The following PRKCE variants were observed in gnomAD, a reference collection of about 807,000 sequenced individuals.
PRKCE encodes the protein protein kinase C epsilon.
In PRKCE, 16 loss-of-function variants were observed where a neutral mutation model predicts 85.4. The observed-to-expected ratio is 0.19, with a 90% CI of 0.13 to 0.28. The LOEUF is 0.28. Ranked by LOEUF, PRKCE falls within the 10% of genes least tolerant of loss-of-function variation. The probability of loss-of-function intolerance (pLI) is 1.00; values close to 1 mark genes in which losing one functional copy is unlikely to be tolerated. For synonymous variants in PRKCE, 388 were observed against 371.5 expected (o/e 1.04, Z -0.51); for missense variants, 573 against 975.2 (o/e 0.59, Z 5.49).
Position 46,040,298 on chromosome 2 carries a change from G to A in PRKCE, c.1437+29781G>A, listed in dbSNP as rs1463254262. ...GGGAGAGGATCCACACAAAAGAGGA[G>A]ACGAGTGGAAAGCAGGAATTGTGAA... On this transcript the variant is annotated intron_variant, in intron 10 of 14. Transcript: ENST00000306156. Among the ~76,000 whole-genome samples the A allele has an allele frequency of 2.0e-5, 3 of 152,216 alleles. No individual in the cohort carries two copies. In the East Asian group the frequency reaches 5.8e-4, roughly 29 times the overall value.
Position 45,809,901 on chromosome 2 carries a change from T to C in PRKCE, c.349-33099T>C, listed in dbSNP as rs7597549. Among the ~76,000 whole-genome samples the C allele has an allele frequency of 1.5e-3, 219 of 149,398 alleles. 2 individuals are homozygous for C. Among genetic ancestry groups the C allele is most frequent in the African/African-American group, 4.8e-3 (197 of 40,692 alleles). The stretch of plus-strand genomic sequence containing the variant: ...ATCTCAAAAAAAAAAAAAGTCTGGG[T>C]ACAAGCCCAAGGAGGGCATGGCTCT... On this transcript the variant is annotated intron_variant, in intron 1 of 14. Coordinates refer to ENST00000306156, the MANE Select transcript of PRKCE (RefSeq NM_005400.3).
chr2:46,007,818 A>G (rs976781369), intron 9 of PRKCE, among the ~76,000 whole-genome samples, 157 bp downstream of exon 9: 1 of 152,246 alleles, frequency 6.6e-6, no homozygotes, highest in Non-Finnish European at 1.5e-5. Context: ...CCAAGTAGAT[A>G]GGAGCGCTGG....
intron 1 of PRKCE, among the ~76,000 whole-genome samples, chr2:45,781,594 C>A (rs1686192587): frequency 6.6e-6 from 1 of 152,200 alleles, no homozygotes; most frequent in Admixed American, 6.5e-5. Flanking sequence ...TTACTCAGAA[C>A]AAGAGATGCT....
intron 1 of PRKCE, among the ~76,000 whole-genome samples, chr2:45,761,626 C>T (rs76899629): frequency 0.011 from 1,661 of 152,170 alleles, 30 homozygotes; most frequent in African/African-American, 0.038. Context: ...GGACTTGGGC[C>T]CCAGTCTAAT....
chr2:45,660,545 C>CTG (rs1273475850), intron 1 of PRKCE, among the ~76,000 whole-genome samples: 2 of 152,178 alleles, frequency 1.3e-5, no homozygotes, highest in Non-Finnish European at 2.9e-5. Flanking sequence ...AGATACAAAA[C>CTG]CCTTTGTAGT....
intron 1 of PRKCE, among the ~76,000 whole-genome samples, chr2:45,667,150 A>G (rs1675951863): frequency 6.6e-6 from 1 of 152,100 alleles, no homozygotes; most frequent in South Asian, 2.1e-4. Flanking sequence ...ATCTCTACTA[A>G]AAATACAAAA....
chr2:45,938,455 C>T (rs1025134211), intron 2 of PRKCE, among the ~76,000 whole-genome samples: 5 of 152,186 alleles, frequency 3.3e-5, no homozygotes, highest in African/African-American at 7.2e-5. Context: ...CCTACATCCT[C>T]CCTACCCACT....
At chr2:46,117,725 G>C (rs1042266215) in intron 11 of PRKCE, among the ~76,000 whole-genome samples, 1 of 152,164 alleles carries the variant, frequency 6.6e-6, no homozygotes, top group Non-Finnish European at 1.5e-5. Context: ...TATTAAATGA[G>C]GTGATACTTG....
In PRKCE at chr2:45,885,001, A is replaced by ATATATATT. The variant is rs1342824133; in HGVS notation, c.412+41939_412+41940insATATATTT. 1.2e-3 allele frequency among the ~76,000 whole-genome samples: 83 copies of ATATATATT among 71,534 alleles called. 5 individuals are homozygous for ATATATATT. The highest frequency in any genetic ancestry group is 4.6e-3 in the African/African-American group (80 of 17,306). 46.9% of individuals were successfully genotyped at this position (71,534 alleles called of 152,430 possible). A position where few individuals can be genotyped will look rare whatever the true frequency, so the allele number is the denominator to read the frequency against. On this transcript the variant is annotated intron_variant, in intron 2 of 14. Transcript: ENST00000306156. ...TATATATATATATATATATATATAT[A>ATATATATT]TTTGTTGTTGTTGTTGTTGTTTTAC...
chr2:45,926,588 T>C (rs1345935270), intron 2 of PRKCE, among the ~76,000 whole-genome samples: 1 of 152,218 alleles, frequency 6.6e-6, no homozygotes, highest in African/African-American at 2.4e-5. Flanking sequence ...GGCAGAGTAT[T>C]CTCTCCAGTT....
rs1703165019 is a variant in PRKCE, at chr2:45,984,653, C to T, written c.796C>T (p.Leu266Phe). 1 of 1,599,578 alleles carries T rather than the reference C, an allele frequency of 6.3e-7. No homozygotes were observed. The highest frequency in any genetic ancestry group is 8.5e-7 in the Non-Finnish European group (1 of 1,179,884). ...TCACTGTGGGTCCCTGCTCTGGGGA[C>T]TCTTGCGGCAGGGTTTGCAGTGTAA... is the stretch of plus-strand genomic sequence containing the variant. ...CDHCGSLLWG[L>F]LRQGLQCKVC... The change falls in exon 6 of 15, where the codon CTC (leucine) becomes TTC (phenylalanine). Residue 266 changes from leucine (L) to phenylalanine (F), a missense_variant. Physicochemically the swap from Leu to Phe is conservative, Grantham distance 22. This residue lies in a region of PRKCE where 55 missense variants were observed against 128.1 expected (regional missense o/e 0.43). Coordinates refer to ENST00000306156, the MANE Select transcript of PRKCE (RefSeq NM_005400.3).
At chr2:45,988,374 G>A (rs1451435367) in intron 6 of PRKCE, among the ~76,000 whole-genome samples, 1 of 152,256 alleles carries the variant, frequency 6.6e-6, no homozygotes, top group African/African-American at 2.4e-5. Context: ...ACAGGTTCAA[G>A]CATTGTGTGT....
chr2:45,691,381 G>C (rs1258792482), intron 1 of PRKCE, among the ~76,000 whole-genome samples: 1 of 152,206 alleles, frequency 6.6e-6, no homozygotes, highest in Non-Finnish European at 1.5e-5. Flanking sequence ...CAAGCTGGTG[G>C]ACACCAGCAG....
intron 10 of PRKCE, among the ~76,000 whole-genome samples, chr2:46,030,005 G>A (rs890593550): frequency 6.6e-6 from 1 of 152,094 alleles, no homozygotes; most frequent in Admixed American, 6.5e-5. Flanking sequence ...CGCAAAACAT[G>A]GCTAGAAGAT....
intron 10 of PRKCE, among the ~76,000 whole-genome samples, chr2:46,061,859 C>CTTTTCTTTTTCT (rs869162406): frequency 2.2e-4 from 24 of 107,746 alleles, no homozygotes; most frequent in African/African-American, 5.2e-4. Flanking sequence ...TTTTCTTTTT[C>CTTTTCTTTTTCT]TTTTTTTTTT....
At chr2:46,005,089 G>A (rs1485289276) in intron 8 of PRKCE, among the ~76,000 whole-genome samples, 4 of 152,192 alleles carry the variant, frequency 2.6e-5, no homozygotes, top group African/African-American at 9.7e-5. Context: ...GGCTGGGTGA[G>A]GGAGGATGTC....
At chr2:46,033,072 A>G (rs564441119) in intron 10 of PRKCE, among the ~76,000 whole-genome samples, 1 of 152,318 alleles carries the variant, frequency 6.6e-6, no homozygotes, top group Non-Finnish European at 1.5e-5. Flanking sequence ...TAGAAGCATG[A>G]GTTGGATGGC....
chr2:46,023,557 C>G (rs1420882868), intron 10 of PRKCE, among the ~76,000 whole-genome samples: 2 of 152,164 alleles, frequency 1.3e-5, no homozygotes, highest in African/African-American at 4.8e-5. Flanking sequence ...GCTGTGTGTC[C>G]TCAGGAGTTT....
chr2:45,758,087 T>A (rs1378952250), intron 1 of PRKCE, among the ~76,000 whole-genome samples: 1 of 152,124 alleles, frequency 6.6e-6, no homozygotes, highest in Non-Finnish European at 1.5e-5. Flanking sequence ...AGGCTGAGGG[T>A]GCAAGGGGCT....
Sources: allele counts gnomAD v4.1 joint callset (sites outside exome capture counted in the v4.1 genomes callset), GRCh38; gene constraint gnomAD v4.1.1; regional missense constraint gnomAD v4.1.1; transcripts MANE v1.5; gene names NCBI Gene and HGNC (gene_info 2026-07-23, HGNC 2026-07-21).